The following FGF12 variants were observed in gnomAD, a reference collection of about 807,000 sequenced individuals.
The protein encoded by FGF12 is fibroblast growth factor 12B.
FGF12 carries 14 observed loss-of-function variants against 23.6 expected under a neutral mutation model. The ratio of observed to expected loss-of-function variants is 0.59; its 90% CI spans 0.39 to 0.93. The LOEUF is 0.93. Among genes scored for constraint, FGF12 ranks in the 40% least tolerant of loss-of-function variants. The probability of loss-of-function intolerance (pLI) is 0.00; values close to 1 mark genes in which losing one functional copy is unlikely to be tolerated. For missense variants in FGF12, 175 were observed against 217.8 expected (o/e 0.80, Z 1.24); for synonymous variants, 62 against 77.3 (o/e 0.80, Z 1.04).
chr3:192,494,336 C>T (rs1723885844), intron 2 of FGF12, among the ~76,000 whole-genome samples: 1 of 152,222 alleles, frequency 6.6e-6, no homozygotes, highest in Non-Finnish European at 1.5e-5. Context: ...ACAGTCACTG[C>T]AAAGTTGATA....
intron 2 of FGF12, among the ~76,000 whole-genome samples, chr3:192,380,368 T>G (rs1719764218): frequency 6.6e-6 from 1 of 152,178 alleles, no homozygotes; most frequent in Admixed American, 6.5e-5. Context: ...ATTTTCTATC[T>G]CATTGGAAAA....
rs370519825 is a variant in FGF12 at position 192,532,265 on chromosome 3, T to G, written c.14-171727A>C. On this transcript the variant is annotated intron_variant, in intron 2 of 5. Coordinates refer to ENST00000445105, the MANE Select transcript of FGF12 (RefSeq NM_004113.6). ...TTTGGTTCCATATGAATTTTAGGAT[T>G]TTTTTTTCTAGCTCTGTGAAGAATG... Among the ~76,000 whole-genome samples, 421 of 152,130 alleles carry G rather than the reference T, an allele frequency of 2.8e-3. 4 individuals are homozygous for G. Among genetic ancestry groups the G allele is most frequent in the African/African-American group, 9.6e-3 (397 of 41,524 alleles).
chr3:192,567,737 CT>C (rs1158440587), intron 2 of FGF12, among the ~76,000 whole-genome samples: 1 of 45,172 alleles, frequency 2.2e-5, no homozygotes, highest in Non-Finnish European at 4.6e-5. Context: ...CCATGTGTCT[CT>C]TTCTTTCTTT....
intron 2 of FGF12, among the ~76,000 whole-genome samples, chr3:192,696,211 T>A (rs568168948): frequency 6.6e-6 from 1 of 152,006 alleles, no homozygotes; most frequent in African/African-American, 2.4e-5. Flanking sequence ...ACCCCATTTG[T>A]ACCCACCAGT....
rs1714207576 is a variant in FGF12 at position 192,154,122 on chromosome 3, T to G, written c.428-9995A>C. Among the ~76,000 whole-genome samples the G allele has an allele frequency of 1.7e-5, 2 of 118,076 alleles. 1 individual carries two copies. Among genetic ancestry groups the G allele is most frequent in the African/African-American group, 6.4e-5 (2 of 31,412 alleles). The allele number at this position is 118,076 out of a possible 152,430, so 77.5% of individuals were successfully genotyped here. ...TGATCGCATCGGCTCCTGAGGCTTC[T>G]GCATTCTTCATGTAGTTCTCGAGCC... On this transcript the variant is annotated intron_variant, in intron 5 of 5. Coordinates refer to ENST00000445105, the MANE Select transcript of FGF12 (RefSeq NM_004113.6).
At chr3:192,565,011 A>G (rs997260762) in intron 2 of FGF12, among the ~76,000 whole-genome samples, 27 of 152,356 alleles carry the variant, frequency 1.8e-4, no homozygotes, top group Admixed American at 1.6e-3. Flanking sequence ...AAATGAGGTT[A>G]TCTACATAAA....
chr3:192,432,389 G>A (rs758654340), intron 2 of FGF12, among the ~76,000 whole-genome samples: 6 of 152,016 alleles, frequency 3.9e-5, no homozygotes, highest in African/African-American at 9.7e-5. Flanking sequence ...CAAGATTCTC[G>A]TCCCCTAAAA....
rs139154103 is a variant in FGF12 at position 192,413,272 on chromosome 3, T to C, written c.14-52734A>G. Among the ~76,000 whole-genome samples, 27 of 152,326 alleles carry C rather than the reference T, an allele frequency of 1.8e-4. No individual in the cohort carries two copies. In the East Asian group the frequency reaches 5.0e-3, roughly 28 times the overall value. Reference sequence around the variant, plus strand: ...AGATTACATCCAGGGCTCTGTCAGTTACCGTGAAATTCCAGACACTTCCAC... The same window carrying C: ...AGATTACATCCAGGGCTCTGTCAGTCACCGTGAAATTCCAGACACTTCCAC... On this transcript the variant is annotated intron_variant, in intron 2 of 5. Transcript: ENST00000445105.
At chr3:192,579,550 T>G (rs1441235561) in intron 2 of FGF12, among the ~76,000 whole-genome samples, 1 of 152,098 alleles carries the variant, frequency 6.6e-6, no homozygotes, top group Non-Finnish European at 1.5e-5. Context: ...GTAAACCACA[T>G]GTTATTATTA....
At chr3:192,469,918 T>C (rs1277271745) in intron 2 of FGF12, among the ~76,000 whole-genome samples, 1 of 152,238 alleles carries the variant, frequency 6.6e-6, no homozygotes, top group African/African-American at 2.4e-5. Flanking sequence ...TTATCTGTTT[T>C]ACAAAGCTAT....
intron 2 of FGF12, among the ~76,000 whole-genome samples, chr3:192,655,243 A>G (rs898309465): frequency 1.3e-5 from 2 of 152,186 alleles, no homozygotes; most frequent in Non-Finnish European, 2.9e-5. Context: ...GATAGCAACA[A>G]TGTGCCCAGC....
chr3:192,415,243 C>G (rs1259693574), intron 2 of FGF12, among the ~76,000 whole-genome samples: 1 of 152,100 alleles, frequency 6.6e-6, no homozygotes, highest in Non-Finnish European at 1.5e-5. Flanking sequence ...TAGCCCTACT[C>G]TAAGTCCCAC....
At chr3:192,305,233 T>C (rs532764869) in intron 4 of FGF12, among the ~76,000 whole-genome samples, 19 of 152,296 alleles carry the variant, frequency 1.2e-4, no homozygotes, top group Non-Finnish European at 2.5e-4. Flanking sequence ...TTGCCACTCT[T>C]GTATGTCACC....
chr3:192,584,329 G>A (rs1194822116), intron 2 of FGF12, among the ~76,000 whole-genome samples: 2 of 151,926 alleles, frequency 1.3e-5, no homozygotes, highest in African/African-American at 4.8e-5. Flanking sequence ...CACCAATTAA[G>A]AATATTATTT....
chr3:192,161,505 T>TACACAC (rs10543146), intron 5 of FGF12, among the ~76,000 whole-genome samples: 6,293 of 149,612 alleles, frequency 0.042, 217 homozygotes, highest in East Asian at 0.21. Flanking sequence ...AACGCCTATT[T>TACACAC]ACACACACAC....
intron 4 of FGF12, among the ~76,000 whole-genome samples, chr3:192,248,405 T>A (rs891778632): frequency 6.6e-6 from 1 of 152,234 alleles, no homozygotes; most frequent in African/African-American, 2.4e-5. Flanking sequence ...GAAGTATCAC[T>A]ATTCATGTTG....
intron 4 of FGF12, among the ~76,000 whole-genome samples, chr3:192,331,922 T>A (rs1383336987): frequency 6.6e-6 from 1 of 152,070 alleles, no homozygotes; most frequent in African/African-American, 2.4e-5. Flanking sequence ...AATTCAAGAA[T>A]GAAAGTGAAA....
intron 4 of FGF12, among the ~76,000 whole-genome samples, chr3:192,292,317 G>A (rs1216557961): frequency 1.3e-5 from 2 of 150,724 alleles, no homozygotes; most frequent in African/African-American, 2.4e-5. Context: ...TTTAGTGTTT[G>A]CAGAATATTA....
At chr3:192,485,226 C>G (rs1723601263) in intron 2 of FGF12, among the ~76,000 whole-genome samples, 1 of 152,066 alleles carries the variant, frequency 6.6e-6, no homozygotes, top group Non-Finnish European at 1.5e-5. Context: ...ACTTTATTGA[C>G]TTTATGGAGA....
Sources: allele counts gnomAD v4.1 joint callset (sites outside exome capture counted in the v4.1 genomes callset), GRCh38; gene constraint gnomAD v4.1.1; transcripts MANE v1.5; gene names NCBI Gene and HGNC (gene_info 2026-07-23, HGNC 2026-07-21).